Variants in EDIL3 observed in about 807,000 individuals in gnomAD.
EDIL3 encodes EGF like and discoidin domains 3.
In EDIL3, 37 loss-of-function variants were observed where a neutral mutation model predicts 67.4. The observed-to-expected ratio is 0.55, with a 90% CI of 0.42 to 0.72. The LOEUF is 0.72. Ranked by LOEUF, EDIL3 falls within the 30% of genes least tolerant of loss-of-function variation. The pLI is 0.00. For missense variants in EDIL3, 527 were observed against 586.3 expected (o/e 0.90, Z 1.04); for synonymous variants, 195 against 196.3 (o/e 0.99, Z 0.05).
intron 6 of EDIL3, among the ~76,000 whole-genome samples, chr5:84,103,524 A>G (rs1020875029): frequency 6.6e-6 from 1 of 152,076 alleles, no homozygotes; most frequent in Non-Finnish European, 1.5e-5. Flanking sequence ...TTCAAGAAAA[A>G]AAACAAACAA....
intron 10 of EDIL3, among the ~76,000 whole-genome samples, chr5:83,948,864 G>C (rs909714951): frequency 1.3e-5 from 2 of 151,702 alleles, no homozygotes; most frequent in Admixed American, 1.3e-4. Context: ...TGAATGGCTA[G>C]TATATTATTC....
chr5:84,056,436 A>G (rs2193959), intron 9 of EDIL3, among the ~76,000 whole-genome samples: 104,161 of 151,752 alleles, frequency 0.69, 37,100 homozygotes, highest in East Asian at 0.96. Flanking sequence ...AAACCTTCAC[A>G]TTGTGCACAT....
At position 83,941,752 on chromosome 5, in the gene EDIL3, A is replaced by T. The variant is rs1744227548; in HGVS notation, c.*1667T>A. 6.6e-6 allele frequency: 1 copy of T among 152,036 alleles called. No homozygotes were observed. The highest frequency in any genetic ancestry group is 6.6e-5 in the Admixed American group (1 of 15,250). 9.4% of individuals were successfully genotyped at this position (152,036 alleles called of 1,614,324 possible). ...ATTTCATAATAAGAACAAGAAGTAG[A>T]AAGCATATGGGCAAGGAACAAATAT... On this transcript the variant is annotated 3_prime_UTR_variant, in exon 11 of 11. Coordinates refer to ENST00000296591, the MANE Select transcript of EDIL3 (RefSeq NM_005711.5).
intron 1 of EDIL3, among the ~76,000 whole-genome samples, chr5:84,264,010 C>T (rs141814772): frequency 1.3e-5 from 2 of 152,250 alleles, no homozygotes; most frequent in Non-Finnish European, 2.9e-5. Flanking sequence ...GAAGCTGAGG[C>T]AGGCAGATTG....
At chr5:84,380,312 G>A (rs1748049093) in intron 1 of EDIL3, among the ~76,000 whole-genome samples, 1 of 151,940 alleles carries the variant, frequency 6.6e-6, no homozygotes. Context: ...CTGAATAATA[G>A]GAATGGCTTA....
chr5:84,005,295 T>C (rs1745392799), intron 9 of EDIL3, among the ~76,000 whole-genome samples: 1 of 151,954 alleles, frequency 6.6e-6, no homozygotes, highest in Non-Finnish European at 1.5e-5. Flanking sequence ...TTCCAAAAAA[T>C]CAAGAAGGAG....
chr5:84,123,067 C>G (rs1293964884), intron 5 of EDIL3, among the ~76,000 whole-genome samples: 8 of 151,880 alleles, frequency 5.3e-5, no homozygotes, highest in African/African-American at 1.9e-4. Flanking sequence ...TATTTTCTCT[C>G]TACAATTTAA....
intron 9 of EDIL3, among the ~76,000 whole-genome samples, chr5:83,981,828 A>C (rs960901952): frequency 2.6e-5 from 4 of 152,026 alleles, no homozygotes; most frequent in African/African-American, 9.7e-5. Flanking sequence ...ACTAACATTA[A>C]GTCATTCATT....
At chr5:84,133,464 C>CAAAAAAAAAAAAAAAAAAAA (rs5869210) in intron 5 of EDIL3, among the ~76,000 whole-genome samples, 5 of 86,538 alleles carry the variant, frequency 5.8e-5, no homozygotes, top group Non-Finnish European at 9.0e-5. Flanking sequence ...ACTAAAAATA[C>CAAAAAAAAAAAAAAAAAAAA]AAAAAAAAAA....
At chr5:84,188,081 C>T (rs944541409) in intron 3 of EDIL3, among the ~76,000 whole-genome samples, 1 of 151,012 alleles carries the variant, frequency 6.6e-6, no homozygotes, top group Non-Finnish European at 1.5e-5. Flanking sequence ...AGATTTCCCG[C>T]CCCCCCTTAA....
chr5:84,145,770 A>G (rs1748281581), intron 4 of EDIL3, among the ~76,000 whole-genome samples: 1 of 152,046 alleles, frequency 6.6e-6, no homozygotes, highest in African/African-American at 2.4e-5. Context: ...CCATGCAAAT[A>G]TTTGAGACAT....
intron 1 of EDIL3, among the ~76,000 whole-genome samples, chr5:84,262,656 T>G: frequency 1.5e-5 from 2 of 130,694 alleles, no homozygotes; most frequent in Admixed American, 9.0e-5. Flanking sequence ...CCAAGGTTGG[T>G]TGGTTTTTTT....
intron 1 of EDIL3, among the ~76,000 whole-genome samples, chr5:84,263,530 C>T (rs7707297): frequency 3.3e-5 from 5 of 151,970 alleles, no homozygotes; most frequent in Non-Finnish European, 7.4e-5. Flanking sequence ...GAAAATCGCA[C>T]GGGGCAGAGT....
intron 5 of EDIL3, among the ~76,000 whole-genome samples, chr5:84,130,460 A>T (rs999262291): frequency 6.6e-6 from 1 of 152,170 alleles, no homozygotes; most frequent in African/African-American, 2.4e-5. Context: ...GAATACATTC[A>T]CTATATTGCA....
At position 84,227,640 on chromosome 5, in the gene EDIL3, C is replaced by T. The variant is rs182254126; in HGVS notation, c.226+2215G>A. Among the ~76,000 whole-genome samples, 3 of 152,240 alleles carry T rather than the reference C, an allele frequency of 2.0e-5. No homozygotes were observed. In the East Asian group the frequency reaches 5.8e-4, roughly 29 times the overall value. ...GACACATGCACTCATAAGTTCATTG[C>T]TGCACTATTCACAATAGCAAAAACA... On this transcript the variant is annotated intron_variant, in intron 3 of 10. Coordinates refer to ENST00000296591, the MANE Select transcript of EDIL3 (RefSeq NM_005711.5).
intron 9 of EDIL3, among the ~76,000 whole-genome samples, chr5:84,033,836 T>C (rs1745971387): frequency 6.6e-6 from 1 of 151,962 alleles, no homozygotes; most frequent in Non-Finnish European, 1.5e-5. Context: ...TTACACTCTG[T>C]GGGATATATT....
At chr5:84,074,700 C>T (rs1746817135) in intron 6 of EDIL3, among the ~76,000 whole-genome samples, 1 of 151,948 alleles carries the variant, frequency 6.6e-6, no homozygotes, top group Admixed American at 6.6e-5. Flanking sequence ...CAGGAAACAA[C>T]AGGTGCTGGA....
chr5:84,157,217 G>A (rs536422376), intron 4 of EDIL3, among the ~76,000 whole-genome samples: 1 of 151,784 alleles, frequency 6.6e-6, no homozygotes, highest in Non-Finnish European at 1.5e-5. Flanking sequence ...AGTAACTAAT[G>A]GGTACGAGGC....
chr5:84,348,837 A>C (rs1747294106), intron 1 of EDIL3, among the ~76,000 whole-genome samples: 1 of 152,164 alleles, frequency 6.6e-6, no homozygotes. Flanking sequence ...CAAGATTCAT[A>C]CATCTAGTGT....
Sources: allele counts gnomAD v4.1 joint callset (sites outside exome capture counted in the v4.1 genomes callset), GRCh38; gene constraint gnomAD v4.1.1; transcripts MANE v1.5; gene names NCBI Gene and HGNC (gene_info 2026-07-23, HGNC 2026-07-21).